Variants in REPS2 observed in about 807,000 individuals in gnomAD.
REPS2 encodes the protein RALBP1 associated Eps domain containing 2.
A neutral mutation model predicts 53.6 loss-of-function variants in REPS2; 23 were observed. That is an observed-to-expected ratio of 0.43 (90% CI 0.31 to 0.61). REPS2 has a LOEUF of 0.61. REPS2 is among the 20% of genes least tolerant of loss of function. The pLI is 0.11. For missense variants in REPS2, 446 were observed against 534.9 expected, an observed-to-expected ratio of 0.83 and a Z score of 1.64; for synonymous variants, 238 against 218.6, an observed-to-expected ratio of 1.09 and a Z score of -0.78.
At chrX:16,984,014 G>T (rs966220020) in intron 1 of REPS2, among the ~76,000 whole-genome samples, 1 of 112,710 alleles carries the variant, frequency 8.9e-6, no homozygotes, top group Non-Finnish European at 1.9e-5. Context: ...ATTATGTGTT[G>T]TATTAGTTAT....
At chrX:17,130,406 G>A (rs935699034) in intron 14 of REPS2, among the ~76,000 whole-genome samples, 2 of 111,678 alleles carry the variant, frequency 1.8e-5, no homozygotes, top group Non-Finnish European at 3.8e-5. Context: ...TTGGAGCATG[G>A]GAGGCCCTTT....
the REPS2 span, among the ~76,000 whole-genome samples, chrX:17,182,162 C>CTATT: frequency 9.1e-6 from 1 of 109,883 alleles, no homozygotes; most frequent in African/African-American, 3.3e-5. Context: ...ATCTATCTAT[C>CTATT]TATCTATCTA....
chrX:17,125,906 G>A (rs1261217511), intron 14 of REPS2, among the ~76,000 whole-genome samples: 1 of 112,034 alleles, frequency 8.9e-6, no homozygotes, highest in African/African-American at 3.2e-5. Context: ...TAGAACTGAA[G>A]GCTGGAAAAA....
At chrX:17,023,629 T>C (rs1323824890) in intron 3 of REPS2, among the ~76,000 whole-genome samples, 1 of 111,530 alleles carries the variant, frequency 9.0e-6, no homozygotes, top group Non-Finnish European at 1.9e-5. Flanking sequence ...ACTTTCATAA[T>C]TCTGACACAT....
chrX:17,139,584 C>T (rs190115548), intron 17 of REPS2, among the ~76,000 whole-genome samples: 6 of 111,236 alleles, frequency 5.4e-5, no homozygotes, highest in African/African-American at 2.0e-4. Flanking sequence ...TTAAGATAAC[C>T]AAAAATGATT....
the REPS2 span, among the ~76,000 whole-genome samples, chrX:17,162,314 A>G: frequency 1.2e-4 from 14 of 112,724 alleles, no homozygotes; most frequent in African/African-American, 4.5e-4. Context: ...GTTTAATATC[A>G]TGGCTGCCTG....
In REPS2 at chrX:17,114,706, C is replaced by G. The variant is rs143195806; in HGVS notation, c.1578+10927C>G. Among the ~76,000 whole-genome samples the G allele has an allele frequency of 4.7e-3, 531 of 112,245 alleles. 4 individuals carry two copies. Among genetic ancestry groups the G allele is most frequent in the African/African-American group, 0.016 (484 of 30,946 alleles). The stretch of plus-strand genomic sequence containing the variant: ...CATATATTGCATAATTACATTGTTA[C>G]GATGACTCTAGCAATTGTGAGGTTC... On this transcript the variant is annotated intron_variant, in intron 14 of 17. Transcript: ENST00000357277.
chrX:17,035,303 C>A (rs190903298), intron 5 of REPS2, among the ~76,000 whole-genome samples: 1 of 107,622 alleles, frequency 9.3e-6, no homozygotes, highest in African/African-American at 3.4e-5. Flanking sequence ...TAGACTGGAC[C>A]AGGATGCAAG....
At position 17,047,273 on chromosome X, in the gene REPS2, A is replaced by AT. The variant is rs879080406; in HGVS notation, c.772-72dup. On this transcript the variant is annotated intron_variant, in intron 5 of 17. Transcript: ENST00000357277. ...TTAAGCATAACACATGATAACTTTTATTGGTGTTTAATTTTTCTACTTCTC... is the reference window on the plus strand; with the variant it reads ...TTAAGCATAACACATGATAACTTTTATTTGGTGTTTAATTTTTCTACTTCTC... The AT allele has an allele frequency of 4.0e-5, 44 of 1,088,042 alleles. No homozygotes were observed. The South Asian group carries it at 8.3e-4, about 21-fold the overall frequency. 89.7% of individuals were successfully genotyped at this position (1,088,042 alleles called of 1,213,427 possible). A position where few individuals can be genotyped will look rare whatever the true frequency, so the allele number is the denominator to read the frequency against.
Position 17,025,091 on chromosome X carries a change from C to T in REPS2, c.579C>T (p.Leu193=), listed in dbSNP as rs150329657. 7.4e-5 allele frequency: 89 copies of T among 1,210,021 alleles called. No individual in the cohort carries two copies. The African/African-American group carries it at 1.2e-3, about 17-fold the overall frequency. The change falls in exon 4 of 18, where the codon CTC becomes CTT. Residue 193 remains leucine (L), a synonymous_variant. Transcript: ENST00000357277. ...CACAGTCTCCCACGATGTCACCCCT[C>T]GCCTCCCCTCCTTCTTCCCCGCCTC... is the stretch of plus-strand genomic sequence containing the variant. The part of the protein sequence containing the change: ...QETQSPTMSP[L]ASPPSSPPHY...
chrX:17,019,920 C>T (rs2061549613), intron 2 of REPS2, among the ~76,000 whole-genome samples: 1 of 112,395 alleles, frequency 8.9e-6, no homozygotes, highest in Non-Finnish European at 1.9e-5. Flanking sequence ...GGAAATGGCA[C>T]CTTCATGAAA....
chrX:17,029,818 C>T (rs1363213719), intron 5 of REPS2, among the ~76,000 whole-genome samples, 195 bp downstream of exon 5: 1 of 112,468 alleles, frequency 8.9e-6, no homozygotes. Flanking sequence ...TCTACGCCTT[C>T]TCAGTGTCTC....
At chrX:17,077,551 A>G (rs2062399108) in intron 13 of REPS2, 144 bp downstream of exon 13, 1 of 563,108 alleles carries the variant, frequency 1.8e-6, no homozygotes, top group Non-Finnish European at 2.7e-6. Flanking sequence ...TGGCTATGGT[A>G]TTCTTGGGAG....
chrX:17,102,963 T>G (rs1365758188), intron 13 of REPS2, among the ~76,000 whole-genome samples: 1 of 112,329 alleles, frequency 8.9e-6, no homozygotes, highest in Admixed American at 9.4e-5. Context: ...ATTATGAACT[T>G]TATTTATAAT....
intron 1 of REPS2, among the ~76,000 whole-genome samples, chrX:16,966,814 G>A (rs1052890118): frequency 8.9e-6 from 1 of 112,431 alleles, no homozygotes; most frequent in Non-Finnish European, 1.9e-5. Flanking sequence ...AGAGAGTGTT[G>A]AGTGGTTTGC....
chrX:17,167,059 T>G, the REPS2 span, among the ~76,000 whole-genome samples: 1 of 112,071 alleles, frequency 8.9e-6, no homozygotes, highest in African/African-American at 3.2e-5. Context: ...TTGATTTCTT[T>G]GGGGCTTCTA....
chrX:17,069,887 AT>A (rs1414258180), intron 10 of REPS2, 52 bp from the exon 11 acceptor site: 50 of 781,762 alleles, frequency 6.4e-5, no homozygotes, highest in East Asian at 5.9e-4. Flanking sequence ...TATAGTTTTA[AT>A]TTTTTTTCCT....
At chrX:16,955,211 G>T (rs1279804827) in intron 1 of REPS2, among the ~76,000 whole-genome samples, 7 of 110,884 alleles carry the variant, frequency 6.3e-5, no homozygotes, top group African/African-American at 2.3e-4. Flanking sequence ...TGTATTGATG[G>T]CATTCTATTA....
intron 1 of REPS2, among the ~76,000 whole-genome samples, chrX:16,969,210 C>T (rs1450768293): frequency 5.5e-5 from 6 of 109,508 alleles, no homozygotes; most frequent in South Asian, 4.1e-4. Context: ...GATGGGATGG[C>T]GGCCAGGCAG....
Sources: gnomAD v4.1 joint callset for allele counts (sites outside exome capture counted in the v4.1 genomes callset) on GRCh38, gnomAD v4.1.1 for gene constraint, MANE v1.5 for transcripts, NCBI Gene and HGNC (gene_info 2026-07-23, HGNC 2026-07-21) for gene names.